NUP155: variants seen among roughly 807,000 people sequenced by gnomAD.
The protein encoded by NUP155 is nucleoporin 155, also known as nuclear pore complex protein Nup155.
A neutral mutation model predicts 180.4 loss-of-function variants in NUP155; 71 were observed. That is an observed-to-expected ratio of 0.39 (90% confidence interval 0.33 to 0.48). The LOEUF (loss-of-function observed/expected upper bound fraction) is 0.48, where lower values mean the gene tolerates loss of function less well. NUP155 is among the 20% of genes least tolerant of loss of function. The pLI is 0.91. For synonymous variants in NUP155, 582 were observed against 559.5 expected (o/e 1.04, Z -0.57); for missense variants, 1,553 against 1,648.9 (o/e 0.94, Z 1.01).
rs1321397490 is a variant in NUP155, at chr5:37,337,617, A to AT, written c.1347+200dup. ...TAAGGGTCCAATGTTTTCTTTAAAG[A>AT]TTTTTTTTGTGATTACCACAGTAAC... is the stretch of plus-strand genomic sequence containing the variant. On this transcript the variant is annotated intron_variant, in intron 12 of 34. Transcript: ENST00000231498. Among the ~76,000 whole-genome samples the AT allele has an allele frequency of 4.6e-5, 7 of 151,944 alleles. No homozygotes were observed. The East Asian group carries it at 5.8e-4, about 13-fold the overall frequency.
At chr5:37,336,341 C>T (rs1288719744) in intron 12 of NUP155, among the ~76,000 whole-genome samples, 1 of 151,716 alleles carries the variant, frequency 6.6e-6, no homozygotes, top group African/African-American at 2.4e-5. Flanking sequence ...ATCGGCTGTA[C>T]GTGGTAATGC....
intron 6 of NUP155, 36 bp from the exon 7 acceptor site, chr5:37,350,301 T>A: frequency 7.3e-7 from 1 of 1,362,996 alleles, no homozygotes; most frequent in Non-Finnish European, 1.1e-6. Flanking sequence ...CTTATAAAAG[T>A]ATGTAACTCC....
chr5:37,323,337 T>C (rs1744371626), intron 20 of NUP155, among the ~76,000 whole-genome samples: 1 of 152,142 alleles, frequency 6.6e-6, no homozygotes, highest in Non-Finnish European at 1.5e-5. Context: ...AGCATTCTTA[T>C]TAGCCAAAAA....
chr5:37,370,751 G>C lies in NUP155; in HGVS notation c.157+70C>G, dbSNP rs533911199. 153 of 1,613,138 alleles carry C rather than the reference G, an allele frequency of 9.5e-5. No individual in the cohort carries two copies. In the East Asian group the frequency reaches 3.4e-3, roughly 35 times the overall value. ...ATATCCTCGCCGGGACCAACGCTGG[G>C]GATAAGTAGCAAATTAGGAAGTCAG... On this transcript the variant is annotated intron_variant, in intron 1 of 34. Coordinates refer to ENST00000231498, the MANE Select transcript of NUP155 (RefSeq NM_153485.3).
Position 37,299,662 on chromosome 5 carries a change from A to C in NUP155, c.3562-94T>G. On this transcript the variant is annotated intron_variant, in intron 30 of 34. Coordinates refer to ENST00000231498, the MANE Select transcript of NUP155 (RefSeq NM_153485.3). Reference sequence around the variant, plus strand: ...TCCTTGAAAATTAAAAAATAACCAAAGATTTTACATAAAGTTTCTGAAATA... The same window carrying C: ...TCCTTGAAAATTAAAAAATAACCAACGATTTTACATAAAGTTTCTGAAATA... The C allele has an allele frequency of 2.4e-6, 3 of 1,238,206 alleles. No homozygotes were observed. In the Admixed American group the frequency reaches 5.4e-5, roughly 22 times the overall value. The allele number at this position is 1,238,206 out of a possible 1,614,324, so 76.7% of individuals were successfully genotyped here.
intron 10 of NUP155, 24 bp from the exon 11 acceptor site, chr5:37,341,266 A>G: frequency 1.2e-6 from 2 of 1,606,824 alleles, no homozygotes; most frequent in East Asian, 2.2e-5. Context: ...AAAATTATGC[A>G]TCAGTAATAG....
At chr5:37,358,474 A>G (rs1212513024) in intron 3 of NUP155, among the ~76,000 whole-genome samples, 1 of 152,214 alleles carries the variant, frequency 6.6e-6, no homozygotes, top group East Asian at 1.9e-4. Flanking sequence ...AGAAAAGAAA[A>G]GAAAAACAGA....
At chr5:37,298,738 C>T in intron 32 of NUP155, 130 bp downstream of exon 32, 1 of 670,824 alleles carries the variant, frequency 1.5e-6, no homozygotes, top group Non-Finnish European at 2.7e-6. Flanking sequence ...TCCGGAGAGG[C>T]AGAATTAAAG....
intron 12 of NUP155, among the ~76,000 whole-genome samples, chr5:37,335,157 CAAAA>C (rs369127748): frequency 3.2e-5 from 2 of 62,198 alleles, no homozygotes. Context: ...GACTCTGTCA[CAAAA>C]AAAAAAAAAA....
At chr5:37,364,866 G>C (rs56309727) in intron 1 of NUP155, among the ~76,000 whole-genome samples, 3,855 of 151,786 alleles carry the variant, frequency 0.025, 153 homozygotes, top group African/African-American at 0.088. Flanking sequence ...TTGATCTCCT[G>C]ACCTCATGAT....
chr5:37,362,109 T>G (rs1176094532), intron 3 of NUP155, among the ~76,000 whole-genome samples: 1 of 152,128 alleles, frequency 6.6e-6, no homozygotes, highest in Non-Finnish European at 1.5e-5. Flanking sequence ...TGGTATTCTG[T>G]TTTAGCAGCT....
chr5:37,369,111 G>A (rs909088559), intron 1 of NUP155, among the ~76,000 whole-genome samples: 65 of 152,286 alleles, frequency 4.3e-4, no homozygotes, highest in African/African-American at 1.5e-3. Context: ...AATTAGCTGG[G>A]TGTGGTGGCA....
intron 32 of NUP155, among the ~76,000 whole-genome samples, chr5:37,295,875 T>TGG (rs1162312967): frequency 1.6e-5 from 2 of 125,776 alleles, no homozygotes; most frequent in African/African-American, 6.8e-5. Context: ...GGGAGGGAGG[T>TGG]TGGGGGGTCA....
At chr5:37,344,764 C>T (rs898498323) in intron 9 of NUP155, among the ~76,000 whole-genome samples, 3 of 150,834 alleles carry the variant, frequency 2.0e-5, no homozygotes, top group African/African-American at 4.9e-5. Flanking sequence ...CCCAGCTACC[C>T]GGGAGGCCGA....
At chr5:37,334,506 G>C (rs921000838) in intron 12 of NUP155, among the ~76,000 whole-genome samples, 1 of 151,744 alleles carries the variant, frequency 6.6e-6, no homozygotes, top group Admixed American at 6.6e-5. Context: ...TCAGCCTTCC[G>C]AGTATCTGGG....
rs142052131 is a variant in NUP155, at chr5:37,326,020, C to T, written c.2025-53G>A. 2.4e-6 allele frequency: 3 copies of T among 1,236,502 alleles called. No individual in the cohort carries two copies. In the African/African-American group the frequency reaches 4.4e-5, roughly 18 times the overall value. The allele number at this position is 1,236,502 out of a possible 1,614,324, so 76.6% of individuals were successfully genotyped here. ...TGCTGTAAATGAATAAAAACAATTA[C>T]AATAAATTTCTTTCTCTAGGAACTT... On this transcript the variant is annotated intron_variant, in intron 18 of 34. Transcript: ENST00000231498.
rs923400053 is a variant in NUP155, at chr5:37,293,859, C to T, written c.3930+470G>A. Among the ~76,000 whole-genome samples the T allele has an allele frequency of 7.2e-5, 8 of 110,632 alleles. 3 individuals carry two copies. Among genetic ancestry groups the T allele is most frequent in the African/African-American group, 3.1e-4 (4 of 12,862 alleles). 72.6% of individuals were successfully genotyped at this position (110,632 alleles called of 152,430 possible). A position where few individuals can be genotyped will look rare whatever the true frequency, so the allele number is the denominator to read the frequency against. On this transcript the variant is annotated intron_variant, in intron 33 of 34. Coordinates refer to ENST00000231498, the MANE Select transcript of NUP155 (RefSeq NM_153485.3). ...CTAAAAATACAAAAAATTAGCCGGG[C>T]GCGGTGGCGGGCGCCTGTAGTCCCA...
chr5:37,294,018 A>AAAAAAAAAAAT, intron 33 of NUP155, among the ~76,000 whole-genome samples: 1 of 76,016 alleles, frequency 1.3e-5, no homozygotes, highest in East Asian at 2.6e-4. Context: ...AAAAAAAAAA[A>AAAAAAAAAAAT]AAAAAAAAAA....
chr5:37,333,370 A>G, intron 13 of NUP155, 93 bp downstream of exon 13: 1 of 1,155,266 alleles, frequency 8.7e-7, no homozygotes, highest in Admixed American at 1.7e-5. Flanking sequence ...AAAAGAAAGA[A>G]AATTATTCAA....
Sources: allele counts gnomAD v4.1 joint callset (sites outside exome capture counted in the v4.1 genomes callset), GRCh38; gene constraint gnomAD v4.1.1; transcripts MANE v1.5; gene names NCBI Gene and HGNC (gene_info 2026-07-23, HGNC 2026-07-21).